The following GRM5 variants were observed in gnomAD, a reference collection of about 807,000 sequenced individuals.
The protein encoded by GRM5 is metabotropic glutamate receptor 5.
Under a neutral mutation model 83.1 loss-of-function variants are expected in GRM5, and 19 were observed. That is an observed-to-expected ratio of 0.23 (90% confidence interval 0.16 to 0.34). The LOEUF (loss-of-function observed/expected upper bound fraction) is 0.34. GRM5 is among the 10% of genes least tolerant of loss of function. GRM5 has a pLI of 1.00. For synonymous variants in GRM5, 675 were observed against 633.6 expected (o/e 1.07, Z -0.98); for missense variants, 1,160 against 1,588.3 (o/e 0.73, Z 4.58).
At chr11:88,961,061 C>T (rs1938768484) in intron 2 of GRM5, among the ~76,000 whole-genome samples, 1 of 152,120 alleles carries the variant, frequency 6.6e-6, no homozygotes, top group African/African-American at 2.4e-5. Context: ...AAAATAACTG[C>T]TAGATTATAT....
intron 2 of GRM5, among the ~76,000 whole-genome samples, chr11:88,914,910 T>C (rs1052005339): frequency 1.3e-5 from 2 of 152,156 alleles, no homozygotes; most frequent in African/African-American, 4.8e-5. Flanking sequence ...TAGAAAATTA[T>C]CTAAAATGAA....
chr11:88,517,715 A>C (rs1941560841), intron 9 of GRM5, among the ~76,000 whole-genome samples: 1 of 152,154 alleles, frequency 6.6e-6, no homozygotes, highest in African/African-American at 2.4e-5. Context: ...ACAAGTTTGG[A>C]CTTGATGACT....
At chr11:88,602,185 T>C (rs1173746807) in intron 5 of GRM5, among the ~76,000 whole-genome samples, 1 of 152,168 alleles carries the variant, frequency 6.6e-6, no homozygotes, top group Non-Finnish European at 1.5e-5. Context: ...GTCTTGTTTA[T>C]CACAATGTGA....
At chr11:88,749,291 C>CA (rs1565213149) in intron 3 of GRM5, among the ~76,000 whole-genome samples, 1 of 152,142 alleles carries the variant, frequency 6.6e-6, no homozygotes, top group Non-Finnish European at 1.5e-5. Flanking sequence ...AACTTCACAA[C>CA]GCACTCACAA....
At chr11:88,552,212 C>G (rs146955660) in intron 8 of GRM5, among the ~76,000 whole-genome samples, 2 of 151,798 alleles carry the variant, frequency 1.3e-5, no homozygotes, top group South Asian at 2.1e-4. Flanking sequence ...TTTTTTGTAG[C>G]GATGGGGTCT....
intron 8 of GRM5, among the ~76,000 whole-genome samples, chr11:88,557,056 A>C (rs976799798): frequency 6.6e-6 from 1 of 152,176 alleles, no homozygotes; most frequent in Non-Finnish European, 1.5e-5. Flanking sequence ...CCAGTAAAGC[A>C]ATGTTGGAAT....
chr11:88,566,290 C>A (rs936427640), intron 8 of GRM5, among the ~76,000 whole-genome samples: 1 of 152,010 alleles, frequency 6.6e-6, no homozygotes, highest in Non-Finnish European at 1.5e-5. Context: ...GCTTTGGGAT[C>A]ATTTATCACA....
At chr11:88,686,097 T>A (rs115130091) in intron 3 of GRM5, among the ~76,000 whole-genome samples, 1,910 of 152,132 alleles carry the variant, frequency 0.013, 41 homozygotes, top group African/African-American at 0.044. Context: ...CACTACCCGC[T>A]GAAAGCAGCC....
intron 2 of GRM5, among the ~76,000 whole-genome samples, chr11:88,909,107 GCAATGC>G (rs1945451875): frequency 6.6e-6 from 1 of 152,054 alleles, no homozygotes; most frequent in African/African-American, 2.4e-5. Flanking sequence ...GCAGTTACAG[GCAATGC>G]CCCAACTAAA....
At chr11:88,822,771 C>T (rs1212658184) in intron 3 of GRM5, among the ~76,000 whole-genome samples, 1 of 151,510 alleles carries the variant, frequency 6.6e-6, no homozygotes, top group Non-Finnish European at 1.5e-5. Context: ...CATATTCTTT[C>T]TCTCTCTCTT....
chr11:88,821,767 G>A (rs753636526), intron 3 of GRM5, among the ~76,000 whole-genome samples: 29 of 152,070 alleles, frequency 1.9e-4, no homozygotes, highest in Non-Finnish European at 3.7e-4. Flanking sequence ...TTGAACCTAT[G>A]TTTCCAGAGT....
At chr11:88,884,351 C>A (rs1945007790) in intron 2 of GRM5, among the ~76,000 whole-genome samples, 1 of 152,158 alleles carries the variant, frequency 6.6e-6, no homozygotes. Flanking sequence ...TGGCCAATTT[C>A]TTCCATTTTG....
intron 2 of GRM5, among the ~76,000 whole-genome samples, chr11:88,859,147 A>G (rs1190633774): frequency 6.6e-6 from 1 of 152,062 alleles, no homozygotes; most frequent in Non-Finnish European, 1.5e-5. Flanking sequence ...TAATTCTGGC[A>G]ACATAGTAGA....
intron 2 of GRM5, among the ~76,000 whole-genome samples, chr11:88,857,487 C>T (rs1326685382): frequency 6.6e-6 from 1 of 151,962 alleles, no homozygotes; most frequent in Non-Finnish European, 1.5e-5. Context: ...CCCAAACTGC[C>T]CATATTGACA....
chr11:88,652,613 A>G (rs549213924), intron 4 of GRM5, among the ~76,000 whole-genome samples: 10 of 152,234 alleles, frequency 6.6e-5, no homozygotes, highest in African/African-American at 7.2e-5. Flanking sequence ...TTAGCATCTT[A>G]TAAGTATTTG....
chr11:88,992,085 A>C (rs1330198701), intron 2 of GRM5, among the ~76,000 whole-genome samples: 1 of 152,202 alleles, frequency 6.6e-6, no homozygotes, highest in African/African-American at 2.4e-5. Flanking sequence ...CAACCTACAG[A>C]ATGGGAGAAA....
chr11:88,958,465 G>A (rs184296767), intron 2 of GRM5, among the ~76,000 whole-genome samples: 3,835 of 151,662 alleles, frequency 0.025, 142 homozygotes, highest in African/African-American at 0.087. Context: ...TAAAATATCT[G>A]CCAAAGAAAA....
chr11:88,543,718 T>C (rs1942326333), intron 8 of GRM5, among the ~76,000 whole-genome samples: 1 of 151,478 alleles, frequency 6.6e-6, no homozygotes, highest in Non-Finnish European at 1.5e-5. Flanking sequence ...GAGTTATCTA[T>C]ACTTCCTTAC....
intron 1 of GRM5, among the ~76,000 whole-genome samples, chr11:89,064,924 G>C (rs1206841337): frequency 4.5e-5 from 3 of 67,294 alleles, no homozygotes; most frequent in South Asian, 1.0e-3. Context: ...GTGAGAGAGA[G>C]AGAGAGAGAG....
Sources: gnomAD v4.1 joint callset for allele counts (sites outside exome capture counted in the v4.1 genomes callset) on GRCh38, gnomAD v4.1.1 for gene constraint, MANE v1.5 for transcripts, NCBI Gene and HGNC (gene_info 2026-07-23, HGNC 2026-07-21) for gene names.